CPNE5: variants seen among roughly 807,000 people sequenced by gnomAD.
CPNE5 encodes copine-5.
A neutral mutation model predicts 81.1 loss-of-function variants in CPNE5; 42 were observed. The observed-to-expected ratio is 0.52, with a 90% confidence interval of 0.40 to 0.67. CPNE5 has a LOEUF of 0.67. Among genes scored for constraint, CPNE5 ranks in the 30% least tolerant of loss-of-function variants. The pLI, the probability that CPNE5 is intolerant of heterozygous loss-of-function variation, is 0.00. For synonymous variants in CPNE5, 313 were observed against 321.5 expected, an observed-to-expected ratio of 0.97 and a Z score of 0.28; for missense variants, 612 against 815.5, an observed-to-expected ratio of 0.75 and a Z score of 3.04.
chr6:36,741,207 G>C lies in CPNE5; in HGVS notation c.*1061C>G, dbSNP rs1406184326. The C allele has an allele frequency of 1.3e-5, 2 of 152,294 alleles. No individual in the cohort carries two copies. 9.4% of individuals were successfully genotyped at this position (152,294 alleles called of 1,614,324 possible). ...GTCACATCTGTTAGGAGTAGGATGG[G>C]GGGAACTGGGCATGGGATGAATGAC... is the stretch of plus-strand genomic sequence containing the variant. On this transcript the variant is annotated 3_prime_UTR_variant, in exon 21 of 21. Transcript: ENST00000244751.
intron 10 of CPNE5, among the ~76,000 whole-genome samples, chr6:36,767,103 G>T (rs914917566): frequency 4.6e-5 from 7 of 152,156 alleles, no homozygotes; most frequent in African/African-American, 1.7e-4. Flanking sequence ...TGATCCACCC[G>T]TCTCGGCCTC....
chr6:36,748,144 C>T (rs3213537), intron 15 of CPNE5, 77 bp downstream of exon 15: 233,979 of 1,352,718 alleles, frequency 0.17, 20,998 homozygotes, highest in African/African-American at 0.24. Context: ...GGGTCATGGT[C>T]CCAGCCAGGG....
chr6:36,823,444 C>T (rs28673271), intron 1 of CPNE5, among the ~76,000 whole-genome samples: 30,418 of 151,628 alleles, frequency 0.2, 3,873 homozygotes, highest in East Asian at 0.32. Flanking sequence ...AGAAGCTCTC[C>T]TTTAATCACT....
chr6:36,834,298 A>AGGGG (rs1561833495), intron 1 of CPNE5, among the ~76,000 whole-genome samples: 1 of 52,942 alleles, frequency 1.9e-5, no homozygotes, highest in African/African-American at 8.2e-5. Context: ...GGAGGGAGGG[A>AGGGG]GGGAGGGAGG....
intron 1 of CPNE5, among the ~76,000 whole-genome samples, chr6:36,837,875 C>T (rs911635794): frequency 3.3e-5 from 5 of 152,092 alleles, no homozygotes; most frequent in African/African-American, 7.2e-5. Flanking sequence ...GTGGGGAGGC[C>T]GTGCTGCTTT....
chr6:36,834,739 C>G (rs1773319451), intron 1 of CPNE5, among the ~76,000 whole-genome samples: 1 of 152,056 alleles, frequency 6.6e-6, no homozygotes, highest in African/African-American at 2.4e-5. Context: ...AGTAGGCACT[C>G]AGTAAATGCC....
chr6:36,829,867 A>C (rs927886533), intron 1 of CPNE5, among the ~76,000 whole-genome samples: 2 of 120,456 alleles, frequency 1.7e-5, no homozygotes, highest in African/African-American at 2.7e-5. Flanking sequence ...AAAAAAAAAA[A>C]AATACCCAAC....
chr6:36,764,645 C>T (rs955421828), intron 11 of CPNE5, among the ~76,000 whole-genome samples: 4 of 152,110 alleles, frequency 2.6e-5, no homozygotes, highest in African/African-American at 9.7e-5. Flanking sequence ...TCTTGTCCTC[C>T]TCTATGGATT....
intron 9 of CPNE5, among the ~76,000 whole-genome samples, chr6:36,778,395 T>A (rs915346627): frequency 1.3e-5 from 2 of 152,190 alleles, no homozygotes; most frequent in Non-Finnish European, 2.9e-5. Flanking sequence ...GGGTCCAGAC[T>A]GGCCCTGTTG....
intron 3 of CPNE5, among the ~76,000 whole-genome samples, chr6:36,811,215 C>T (rs1298998627): frequency 6.6e-6 from 1 of 152,132 alleles, no homozygotes; most frequent in Non-Finnish European, 1.5e-5. Flanking sequence ...TGAGCAGTCC[C>T]CACCCTAAAG....
chr6:36,809,114 G>GCACCCA (rs1770864132), intron 3 of CPNE5, among the ~76,000 whole-genome samples: 1 of 152,126 alleles, frequency 6.6e-6, no homozygotes, highest in South Asian at 2.1e-4. Context: ...GGGTCTGGGT[G>GCACCCA]GACCCACAGA....
rs527419415 is a variant in CPNE5 at position 36,766,309 on chromosome 6, C to T, written c.738-933G>A. On this transcript the variant is annotated intron_variant, in intron 10 of 20. Transcript: ENST00000244751. The surrounding 1 kb of genome is among the most constrained non-coding windows in gnomAD (Gnocchi z 4.2). ...GGGCCTGCCAGGAGTCAGCCTTGGG[C>T]TTCTGTGGCCCCTCCAGGAGGAGGC... Among the ~76,000 whole-genome samples the T allele has an allele frequency of 2.8e-4, 42 of 152,312 alleles. No individual in the cohort carries two copies. Among genetic ancestry groups the T allele is most frequent in the South Asian group, 2.1e-3 (10 of 4,830 alleles).
At chr6:36,775,290 G>C (rs547809086) in intron 9 of CPNE5, among the ~76,000 whole-genome samples, 3 of 152,350 alleles carry the variant, frequency 2.0e-5, no homozygotes, top group Non-Finnish European at 2.9e-5. Flanking sequence ...TGAGGACCTG[G>C]AGGTGGGGAC....
intron 1 of CPNE5, chr6:36,827,409 T>C: frequency 1.0e-6 from 1 of 985,376 alleles, no homozygotes; most frequent in South Asian, 4.7e-5. Context: ...GGGTATAAAA[T>C]GGCAGTTCCT....
intron 1 of CPNE5, among the ~76,000 whole-genome samples, chr6:36,825,078 G>A (rs1377344746): frequency 6.6e-6 from 1 of 152,206 alleles, no homozygotes; most frequent in Non-Finnish European, 1.5e-5. Context: ...ACAGCAAGCA[G>A]TGGTAGAGAC....
Position 36,814,632 on chromosome 6 carries a change from G to A in CPNE5, c.183+7482C>T, listed in dbSNP as rs78422424. On this transcript the variant is annotated intron_variant, in intron 3 of 20. Coordinates refer to ENST00000244751, the MANE Select transcript of CPNE5 (RefSeq NM_020939.2). Reference sequence around the variant, plus strand: ...AATGCAGAGGCCAGCAGGGAGGAGCGTGATGATCTAAGGCAAGCCCCTGTG... The same window carrying A: ...AATGCAGAGGCCAGCAGGGAGGAGCATGATGATCTAAGGCAAGCCCCTGTG... Among the ~76,000 whole-genome samples, 1,012 of 152,234 alleles carry A rather than the reference G, an allele frequency of 6.6e-3. 6 individuals carry two copies. The highest frequency in any genetic ancestry group is 0.011 in the Non-Finnish European group (753 of 68,032).
chr6:36,838,014 A>C (rs1464672205), intron 1 of CPNE5, among the ~76,000 whole-genome samples: 4 of 152,142 alleles, frequency 2.6e-5, no homozygotes, highest in Non-Finnish European at 5.9e-5. Flanking sequence ...GAGCTATCAC[A>C]GGAGCCCCCA....
At chr6:36,839,836 G>A (rs1025680601), upstream of CPNE5, 2 of 151,618 alleles carry the variant, frequency 1.3e-5, no homozygotes, top group African/African-American at 4.8e-5. The surrounding 1 kb of genome is among the most constrained non-coding windows in gnomAD (Gnocchi z 7.3). Context: ...CTGGCGGCGG[G>A]GGTGGCGGGG....
intron 12 of CPNE5, among the ~76,000 whole-genome samples, chr6:36,762,288 G>GCATACA (rs1162388812): frequency 1.4e-5 from 2 of 142,834 alleles, no homozygotes; most frequent in African/African-American, 5.4e-5. Context: ...ACACGCACGC[G>GCATACA]CACACACACA....
Sources: allele counts gnomAD v4.1 joint callset (sites outside exome capture counted in the v4.1 genomes callset), GRCh38; gene constraint gnomAD v4.1.1; non-coding constraint Gnocchi (gnomAD v3.1); transcripts MANE v1.5; gene names NCBI Gene and HGNC (gene_info 2026-07-23, HGNC 2026-07-21).